The following PDE2A variants were observed in gnomAD, a reference collection of about 807,000 sequenced individuals.
PDE2A encodes the protein phosphodiesterase 2A.
A neutral mutation model predicts 133.6 loss-of-function variants in PDE2A; 53 were observed. The ratio of observed to expected loss-of-function variants is 0.40; its 90% CI spans 0.32 to 0.50. The LOEUF is 0.50. Ranked by LOEUF, PDE2A falls within the 20% of genes least tolerant of loss-of-function variation. The pLI, the probability that PDE2A is intolerant of heterozygous loss-of-function variation, is 0.73. For missense variants in PDE2A, 796 were observed against 1,232.4 expected, an observed-to-expected ratio of 0.65 and a Z score of 5.30; for synonymous variants, 491 against 490.2, an observed-to-expected ratio of 1.00 and a Z score of -0.02.
intron 2 of PDE2A, among the ~76,000 whole-genome samples, chr11:72,614,708 G>C (rs1014603639): frequency 1.3e-5 from 2 of 152,190 alleles, no homozygotes; most frequent in Non-Finnish European, 1.5e-5. Context: ...AAGCCCAAGA[G>C]GTGCCTGTTT....
At chr11:72,596,781 A>C (rs1856511070) in intron 5 of PDE2A, 133 bp from the exon 6 acceptor site, 4 of 443,360 alleles carry the variant, frequency 9.0e-6, no homozygotes, top group Middle Eastern at 5.4e-4. Flanking sequence ...AGACCCCAAA[A>C]CCCACAGAAA....
chr11:72,670,931 T>C (rs1263260823), intron 1 of PDE2A, among the ~76,000 whole-genome samples: 1 of 152,156 alleles, frequency 6.6e-6, no homozygotes, highest in African/African-American at 2.4e-5. Context: ...GGGCAAGTTG[T>C]AGAGAGTACT....
At chr11:72,659,045 C>A (rs1203381647) in intron 1 of PDE2A, among the ~76,000 whole-genome samples, 1 of 151,978 alleles carries the variant, frequency 6.6e-6, no homozygotes, top group Non-Finnish European at 1.5e-5. Context: ...TTATAATATG[C>A]ATGCAGGTGG....
intron 6 of PDE2A, among the ~76,000 whole-genome samples, chr11:72,591,856 G>A (rs935980403): frequency 2.0e-5 from 3 of 152,216 alleles, no homozygotes; most frequent in South Asian, 4.1e-4. Context: ...AAATGGGTTC[G>A]TGAAGTGCTT....
intron 2 of PDE2A, among the ~76,000 whole-genome samples, chr11:72,611,159 G>A (rs981219977): frequency 6.6e-6 from 1 of 152,214 alleles, no homozygotes; most frequent in African/African-American, 2.4e-5. Flanking sequence ...TTGGGGAAGA[G>A]AGACCCAGGT....
chr11:72,614,175 G>A (rs1376579784), intron 2 of PDE2A, among the ~76,000 whole-genome samples: 2 of 152,184 alleles, frequency 1.3e-5, no homozygotes, highest in Non-Finnish European at 2.9e-5. Context: ...ACACACCCAC[G>A]CCTGCCACCT....
rs762159119 is a variant in PDE2A at position 72,583,504 on chromosome 11, G to A, written c.1662C>T (p.Tyr554=). 1.9e-6 allele frequency: 3 copies of A among 1,608,282 alleles called. No homozygotes were observed. The highest frequency in any genetic ancestry group is 2.6e-6 in the Non-Finnish European group (3 of 1,174,754). ...CGISIAHSLL[Y]KKVNEAQYRS... ...GATACTGAGCCTCATTCACTTTTTT[G>A]TATAGGAGAGACTAGGGGAAAGAGG... Residue 554 remains tyrosine, a synonymous_variant, in exon 20 of 31, where the codon TAC becomes TAT. Coordinates refer to ENST00000334456, the MANE Select transcript of PDE2A (RefSeq NM_002599.5).
intron 3 of PDE2A, among the ~76,000 whole-genome samples, chr11:72,606,689 A>G (rs1856984543): frequency 6.6e-6 from 1 of 152,160 alleles, no homozygotes; most frequent in South Asian, 2.1e-4. Context: ...CTTGTCATCC[A>G]TCTCTTCCAG....
At chr11:72,635,836 T>G (rs1858654611) in intron 2 of PDE2A, 2 of 322,620 alleles carry the variant, frequency 6.2e-6, no homozygotes, top group Non-Finnish European at 9.2e-6. Context: ...TTTCCCATTC[T>G]GAAATACCAG....
At chr11:72,659,728 G>A (rs563024196) in intron 1 of PDE2A, among the ~76,000 whole-genome samples, 56 of 152,168 alleles carry the variant, frequency 3.7e-4, no homozygotes, top group African/African-American at 1.3e-3. Context: ...CTACAGTCTG[G>A]ACAATATATA....
At chr11:72,607,707 A>G (rs1857033459) in intron 3 of PDE2A, among the ~76,000 whole-genome samples, 1 of 152,108 alleles carries the variant, frequency 6.6e-6, no homozygotes, top group Non-Finnish European at 1.5e-5. Context: ...AAGCAGATTC[A>G]GGGACAATGG....
At chr11:72,639,950 G>T (rs1858882673) in intron 2 of PDE2A, among the ~76,000 whole-genome samples, 1 of 151,938 alleles carries the variant, frequency 6.6e-6, no homozygotes, top group African/African-American at 2.4e-5. Flanking sequence ...AAATGTTACA[G>T]ACCTCATTCC....
chr11:72,658,549 T>A lies in PDE2A; in HGVS notation c.71+15588A>T, dbSNP rs899175971. 2.0e-5 allele frequency among the ~76,000 whole-genome samples: 3 copies of A among 152,234 alleles called. No homozygotes were observed. The South Asian group carries it at 6.2e-4, about 32-fold the overall frequency. ...GATCTCGCTAAGTTACCCAGGCTGG[T>A]CTTGAACTCCTGGCCTCAAGTGATC... On this transcript the variant is annotated intron_variant, in intron 1 of 30. Transcript: ENST00000334456.
intron 1 of PDE2A, among the ~76,000 whole-genome samples, chr11:72,645,643 C>T (rs1419955596): frequency 1.3e-5 from 2 of 152,166 alleles, no homozygotes; most frequent in Admixed American, 6.5e-5. Flanking sequence ...GAATGTCCCC[C>T]GGTGATTCTA....
intron 2 of PDE2A, among the ~76,000 whole-genome samples, chr11:72,624,337 A>G (rs1044455815): frequency 4.6e-5 from 7 of 152,104 alleles, no homozygotes; most frequent in African/African-American, 1.4e-4. Context: ...GCCTGAACCC[A>G]TCGGTGCCTT....
At chr11:72,582,390 G>T in intron 21 of PDE2A, 54 bp downstream of exon 21, 1 of 1,563,976 alleles carries the variant, frequency 6.4e-7, no homozygotes, top group Non-Finnish European at 8.7e-7. Context: ...TTTAACTTAA[G>T]CCTCTGGCTA....
At position 72,654,073 on chromosome 11, in the gene PDE2A, A is replaced by G. The variant is rs530382576; in HGVS notation, c.72-11747T>C. On this transcript the variant is annotated intron_variant, in intron 1 of 30. Coordinates refer to ENST00000334456, the MANE Select transcript of PDE2A (RefSeq NM_002599.5). The stretch of plus-strand genomic sequence containing the variant: ...ATACCAGAGTGAATGAGGAGATTAC[A>G]GAGCCTAAGATGGAACACCTCCATA... Among the ~76,000 whole-genome samples, 5 of 152,330 alleles carry G rather than the reference A, an allele frequency of 3.3e-5. No homozygotes were observed. The East Asian group carries it at 9.6e-4, about 29-fold the overall frequency.
chr11:72,599,386 C>A (rs150978663), intron 4 of PDE2A, among the ~76,000 whole-genome samples: 85 of 152,134 alleles, frequency 5.6e-4, no homozygotes, highest in African/African-American at 1.9e-3. Flanking sequence ...GCCCAGGGAC[C>A]CCCATACCAT....
At chr11:72,595,366 G>A (rs1856431238) in intron 6 of PDE2A, among the ~76,000 whole-genome samples, 1 of 152,008 alleles carries the variant, frequency 6.6e-6, no homozygotes, top group Non-Finnish European at 1.5e-5. Flanking sequence ...AAGAATAGGG[G>A]GAGGCGACCC....
Sources: allele counts gnomAD v4.1 joint callset (sites outside exome capture counted in the v4.1 genomes callset), GRCh38; gene constraint gnomAD v4.1.1; transcripts MANE v1.5; gene names NCBI Gene and HGNC (gene_info 2026-07-23, HGNC 2026-07-21).